Variants in CNTNAP2 observed in about 807,000 individuals in gnomAD.
CNTNAP2 encodes the protein contactin-associated protein-like 2.
Under a neutral mutation model 155.2 loss-of-function variants are expected in CNTNAP2, and 98 were observed. The ratio of observed to expected loss-of-function variants is 0.63; its 90% CI spans 0.54 to 0.75. The LOEUF is 0.75. Among genes scored for constraint, CNTNAP2 ranks in the 30% least tolerant of loss-of-function variants. CNTNAP2 has a pLI of 0.00. For synonymous variants in CNTNAP2, 651 were observed against 631.2 expected (o/e 1.03, Z -0.47); for missense variants, 1,727 against 1,688.1 (o/e 1.02, Z -0.40).
chr7:148,221,959 T>C (rs1026231325), intron 19 of CNTNAP2, among the ~76,000 whole-genome samples: 1 of 152,220 alleles, frequency 6.6e-6, no homozygotes, highest in Non-Finnish European at 1.5e-5. Context: ...AATTATTATA[T>C]TTGAATGGTA....
chr7:147,469,950 T>A (rs1798187355), intron 10 of CNTNAP2, among the ~76,000 whole-genome samples: 1 of 152,120 alleles, frequency 6.6e-6, no homozygotes, highest in African/African-American at 2.4e-5. Context: ...ACACTAGCAG[T>A]CACAAAGATC....
At chr7:147,290,600 T>C (rs1387490164) in intron 8 of CNTNAP2, among the ~76,000 whole-genome samples, 1 of 150,702 alleles carries the variant, frequency 6.6e-6, no homozygotes, top group African/African-American at 2.4e-5. Context: ...GGAGAATTGC[T>C]TGAACCCGGG....
intron 15 of CNTNAP2, among the ~76,000 whole-genome samples, chr7:148,030,832 A>G (rs1187048161): frequency 6.6e-6 from 1 of 152,214 alleles, no homozygotes; most frequent in Non-Finnish European, 1.5e-5. Context: ...AGGGAACCAT[A>G]AACCTGAAAT....
At chr7:146,554,595 G>A (rs1426908369) in intron 1 of CNTNAP2, among the ~76,000 whole-genome samples, 2 of 152,138 alleles carry the variant, frequency 1.3e-5, no homozygotes, top group Non-Finnish European at 2.9e-5. Flanking sequence ...TGGAGATGAA[G>A]GATGGTATAA....
intron 1 of CNTNAP2, among the ~76,000 whole-genome samples, chr7:146,696,122 T>C (rs1421317993): frequency 6.6e-6 from 1 of 152,192 alleles, no homozygotes; most frequent in Non-Finnish European, 1.5e-5. Context: ...ACTTAAATTC[T>C]TCCTTGGGAG....
At chr7:147,138,514 T>G (rs538243979) in intron 8 of CNTNAP2, among the ~76,000 whole-genome samples, 66 of 152,124 alleles carry the variant, frequency 4.3e-4, no homozygotes, top group African/African-American at 1.5e-3. Context: ...GACTTTTTAT[T>G]ATATATCAAT....
chr7:148,330,861 TGGAC>T (rs2116557812), intron 21 of CNTNAP2, among the ~76,000 whole-genome samples: 4 of 136,962 alleles, frequency 2.9e-5, no homozygotes, highest in East Asian at 4.6e-4. Context: ...ATGGAATGGA[TGGAC>T]GGATGGAGTG....
chr7:147,104,111 G>A (rs1003299858), intron 4 of CNTNAP2, among the ~76,000 whole-genome samples: 1 of 152,048 alleles, frequency 6.6e-6, no homozygotes, highest in Non-Finnish European at 1.5e-5. Context: ...TGACAAATGT[G>A]CCAGGTTATA....
At chr7:147,544,866 A>T (rs2116752351) in intron 11 of CNTNAP2, among the ~76,000 whole-genome samples, 1 of 152,162 alleles carries the variant, frequency 6.6e-6, no homozygotes, top group Middle Eastern at 3.4e-3. Context: ...GCCACCATGT[A>T]AGATGTCTCT....
intron 14 of CNTNAP2, among the ~76,000 whole-genome samples, chr7:147,970,915 A>G (rs1801321293): frequency 6.6e-6 from 1 of 152,214 alleles, no homozygotes; most frequent in Admixed American, 6.5e-5. Context: ...AATTGGTGGG[A>G]CATTCTGTGC....
intron 3 of CNTNAP2, among the ~76,000 whole-genome samples, chr7:146,899,478 C>A (rs1383088274): frequency 1.4e-5 from 2 of 139,496 alleles, no homozygotes; most frequent in Non-Finnish European, 3.2e-5. Flanking sequence ...TGGCTCTTCT[C>A]TCTTTCACTT....
chr7:146,771,774 T>G (rs1246552824), intron 1 of CNTNAP2, among the ~76,000 whole-genome samples: 3 of 152,188 alleles, frequency 2.0e-5, no homozygotes, highest in African/African-American at 7.2e-5. Flanking sequence ...CATTGGGGAC[T>G]TAAGTGAATT....
intron 4 of CNTNAP2, among the ~76,000 whole-genome samples, chr7:147,072,140 T>A (rs894755400): frequency 6.6e-6 from 1 of 151,712 alleles, no homozygotes; most frequent in Non-Finnish European, 1.5e-5. Flanking sequence ...CTTTGGAAAG[T>A]AGGTGAAGGT....
intron 12 of CNTNAP2, among the ~76,000 whole-genome samples, chr7:147,620,192 G>T (rs1039292015): frequency 7.2e-5 from 11 of 152,182 alleles, no homozygotes; most frequent in African/African-American, 2.4e-4. Context: ...TATCTGGAAA[G>T]CTTTGCCAAG....
chr7:146,414,087 C>T (rs1012746362), intron 1 of CNTNAP2, among the ~76,000 whole-genome samples: 7 of 152,160 alleles, frequency 4.6e-5, no homozygotes, highest in Non-Finnish European at 1.0e-4. Flanking sequence ...TTTCTATAAA[C>T]AGCCAGGTTT....
intron 8 of CNTNAP2, among the ~76,000 whole-genome samples, chr7:147,220,294 CT>C (rs988495871): frequency 6.6e-6 from 1 of 152,072 alleles, no homozygotes; most frequent in African/African-American, 2.4e-5. Flanking sequence ...TATAGCTACT[CT>C]TGCTTTCTTT....
chr7:146,650,348 G>A (rs1401104284), intron 1 of CNTNAP2, among the ~76,000 whole-genome samples: 1 of 152,112 alleles, frequency 6.6e-6, no homozygotes, highest in Non-Finnish European at 1.5e-5. Flanking sequence ...TATACCCTAT[G>A]GAATACTATA....
At chr7:146,608,137 C>A (rs1017002571) in intron 1 of CNTNAP2, among the ~76,000 whole-genome samples, 1 of 152,160 alleles carries the variant, frequency 6.6e-6, no homozygotes, top group Non-Finnish European at 1.5e-5. Flanking sequence ...TAAAGTATTT[C>A]TTGATCATGG....
At chr7:147,198,418 G>C (rs1356032964) in intron 8 of CNTNAP2, among the ~76,000 whole-genome samples, 1 of 151,982 alleles carries the variant, frequency 6.6e-6, no homozygotes, top group East Asian at 1.9e-4. Context: ...TTTTAGTAGA[G>C]ACAGGGTTTC....
Sources: gnomAD v4.1 joint callset for allele counts (sites outside exome capture counted in the v4.1 genomes callset) on GRCh38, gnomAD v4.1.1 for gene constraint, MANE v1.5 for transcripts, NCBI Gene and HGNC (gene_info 2026-07-23, HGNC 2026-07-21) for gene names.